The following COPS4 variants were observed in gnomAD, a reference collection of about 807,000 sequenced individuals.
COPS4 encodes COP9 signalosome subunit 4.
In COPS4, 8 loss-of-function variants were observed where a neutral mutation model predicts 55.1. The ratio of observed to expected loss-of-function variants is 0.15; its 90% CI spans 0.09 to 0.26. The LOEUF is 0.26. Ranked by LOEUF, COPS4 falls within the 10% of genes least tolerant of loss-of-function variation. The probability of loss-of-function intolerance (pLI) is 1.00; values close to 1 mark genes in which losing one functional copy is unlikely to be tolerated. For synonymous variants in COPS4, 185 were observed against 165.7 expected, an observed-to-expected ratio of 1.12 and a Z score of -0.90; for missense variants, 248 against 484.0, an observed-to-expected ratio of 0.51 and a Z score of 4.58.
At chr4:83,064,941 G>A (rs1482000981) in intron 7 of COPS4, 12 of 256,164 alleles carry the variant, frequency 4.7e-5, no homozygotes, top group Middle Eastern at 1.3e-3. Context: ...CCAGGCTGGC[G>A]CTGGCATGAT....
intron 1 of COPS4, among the ~76,000 whole-genome samples, chr4:83,039,478 G>T (rs1231101453): frequency 3.3e-5 from 5 of 152,152 alleles, no homozygotes; most frequent in Non-Finnish European, 1.5e-5. Context: ...GAGCTACAAA[G>T]TTGTATTGTA....
intron 4 of COPS4, among the ~76,000 whole-genome samples, chr4:83,050,638 G>A (rs1730867335): frequency 6.6e-6 from 1 of 152,110 alleles, no homozygotes; most frequent in Admixed American, 6.6e-5. Flanking sequence ...TACTCTTAGA[G>A]GAGATGGCTA....
chr4:83,035,310 C>T lies in COPS4; in HGVS notation c.74+12C>T. On this transcript the variant is annotated intron_variant, in intron 1 of 9. Coordinates refer to ENST00000264389, the MANE Select transcript of COPS4 (RefSeq NM_016129.3). ...GATCTGGCTGGCAAGTGAGTATTTC[C>T]CAGGAACGCGGGAGTACAGAGGTGG... 3 of 1,541,406 alleles carry T rather than the reference C, an allele frequency of 1.9e-6. No individual in the cohort carries two copies. The highest frequency in any genetic ancestry group is 2.7e-5 in the African/African-American group (2 of 73,238).
intron 1 of COPS4, 42 bp downstream of exon 1, chr4:83,035,340 A>G: frequency 7.0e-7 from 1 of 1,436,308 alleles, no homozygotes; most frequent in South Asian, 1.2e-5. Flanking sequence ...AGGTGGGGAA[A>G]GAAAGCCACA....
intron 1 of COPS4, among the ~76,000 whole-genome samples, chr4:83,044,590 C>T (rs1224740702): frequency 1.3e-5 from 2 of 151,922 alleles, no homozygotes; most frequent in African/African-American, 2.4e-5. Flanking sequence ...AGCCTGACCA[C>T]ATGGTGAAAC....
intron 2 of COPS4, among the ~76,000 whole-genome samples, 185 bp downstream of exon 2, chr4:83,045,890 A>G (rs890084146): frequency 1.3e-5 from 2 of 152,134 alleles, no homozygotes; most frequent in Non-Finnish European, 2.9e-5. Flanking sequence ...TACAATCCTA[A>G]TTAAAGTTTT....
At chr4:83,049,094 A>T in intron 2 of COPS4, 72 bp from the exon 3 acceptor site, 1 of 1,408,822 alleles carries the variant, frequency 7.1e-7, no homozygotes, top group Non-Finnish European at 9.7e-7. Flanking sequence ...TATTAATTTT[A>T]AGTAAAGGTT....
At chr4:83,053,952 C>T (rs1482404283) in intron 4 of COPS4, among the ~76,000 whole-genome samples, 1 of 151,632 alleles carries the variant, frequency 6.6e-6, no homozygotes, top group African/African-American at 2.4e-5. Context: ...GTATATTGCA[C>T]GAGAAGGATG....
chr4:83,063,034 A>G (rs1255342313), intron 6 of COPS4, 42 bp from the exon 7 acceptor site: 1 of 1,490,644 alleles, frequency 6.7e-7, no homozygotes, highest in East Asian at 2.5e-5. Context: ...AAACATTGTG[A>G]AAATAACATT....
chr4:83,045,153 C>T (rs574282655), intron 1 of COPS4, among the ~76,000 whole-genome samples: 8 of 152,238 alleles, frequency 5.3e-5, no homozygotes, highest in African/African-American at 1.2e-4. Context: ...GCTGGTGACC[C>T]TACATACATT....
rs1578721234 is a variant in COPS4 at position 83,068,092 on chromosome 4, T to C, written c.1003-346T>C. Reference sequence around the variant, plus strand: ...TCTGGGGTAGCAAATACTGTGGAAATTGAAATAAAATAAGAAAAACTAGTT... The same window carrying C: ...TCTGGGGTAGCAAATACTGTGGAAACTGAAATAAAATAAGAAAAACTAGTT... On this transcript the variant is annotated intron_variant, in intron 8 of 9. Transcript: ENST00000264389. Among the ~76,000 whole-genome samples, 5 of 152,304 alleles carry C rather than the reference T, an allele frequency of 3.3e-5. No individual in the cohort carries two copies. The East Asian group carries it at 5.8e-4, about 18-fold the overall frequency.
intron 6 of COPS4, among the ~76,000 whole-genome samples, chr4:83,061,420 A>G (rs559767934): frequency 6.6e-6 from 1 of 152,286 alleles, no homozygotes; most frequent in Admixed American, 6.5e-5. Context: ...TTTTTTATAA[A>G]TGAAATCATA....
intron 2 of COPS4, among the ~76,000 whole-genome samples, chr4:83,048,693 G>A (rs1730783185): frequency 1.3e-5 from 2 of 152,210 alleles, no homozygotes; most frequent in Admixed American, 6.5e-5. Flanking sequence ...CCAGGCTGGA[G>A]TACGGTGCTG....
At chr4:83,068,796 C>T (rs576146532) in intron 9 of COPS4, among the ~76,000 whole-genome samples, 1 of 152,098 alleles carries the variant, frequency 6.6e-6, no homozygotes, top group South Asian at 2.1e-4. Flanking sequence ...ACGGTGAAAC[C>T]CTGCCTCTAC....
chr4:83,059,116 C>A (rs1731095031), intron 6 of COPS4, among the ~76,000 whole-genome samples: 2 of 150,432 alleles, frequency 1.3e-5, no homozygotes, highest in South Asian at 4.3e-4. Context: ...TGTTGACTGG[C>A]CATTTTTTGA....
intron 1 of COPS4, among the ~76,000 whole-genome samples, chr4:83,039,793 G>A (rs1730512986): frequency 6.6e-6 from 1 of 152,094 alleles, no homozygotes; most frequent in African/African-American, 2.4e-5. Flanking sequence ...CACCATGCCT[G>A]GCTAATTTAA....
intron 8 of COPS4, 37 bp downstream of exon 8, chr4:83,066,590 A>C: frequency 2.1e-6 from 2 of 974,300 alleles, no homozygotes; most frequent in East Asian, 5.0e-5. Context: ...AAAAAAAGTT[A>C]AGAGATGAAA....
chr4:83,049,025 G>T, intron 2 of COPS4, 141 bp from the exon 3 acceptor site: 1 of 678,828 alleles, frequency 1.5e-6, no homozygotes, highest in East Asian at 3.1e-5. Context: ...TAAAATGATA[G>T]GGGTATGGAA....
intron 4 of COPS4, among the ~76,000 whole-genome samples, chr4:83,056,133 T>TGTTG (rs1731007081): frequency 6.6e-6 from 1 of 152,126 alleles, no homozygotes; most frequent in Admixed American, 6.5e-5. Context: ...GGTTTTACCA[T>TGTTG]GTTGGTCAGG....
Sources: allele counts gnomAD v4.1 joint callset (sites outside exome capture counted in the v4.1 genomes callset), GRCh38; gene constraint gnomAD v4.1.1; transcripts MANE v1.5; gene names NCBI Gene and HGNC (gene_info 2026-07-23, HGNC 2026-07-21).